LCOR: variants seen among roughly 807,000 people sequenced by gnomAD.
LCOR encodes the protein ligand dependent nuclear receptor corepressor.
A neutral mutation model predicts 64.4 loss-of-function variants in LCOR; 14 were observed. That is an observed-to-expected ratio of 0.22 (90% CI 0.14 to 0.34). The LOEUF (loss-of-function observed/expected upper bound fraction) is 0.34. Ranked by LOEUF, LCOR falls within the 10% of genes least tolerant of loss-of-function variation. The probability of loss-of-function intolerance (pLI) is 1.00; values close to 1 mark genes in which losing one functional copy is unlikely to be tolerated. For synonymous variants in LCOR, 643 were observed against 642.5 expected, an observed-to-expected ratio of 1.00 and a Z score of -0.01; for missense variants, 1,686 against 1,765.3, an observed-to-expected ratio of 0.96 and a Z score of 0.80.
At chr10:96,968,426 T>C (rs1300673376) in intron 7 of LCOR, among the ~76,000 whole-genome samples, 3 of 152,248 alleles carry the variant, frequency 2.0e-5, no homozygotes, top group African/African-American at 7.2e-5. Flanking sequence ...TAATTGAGTT[T>C]GGCCCTTCAG....
Position 96,994,478 on chromosome 10 carries a change from A to G in LCOR, c.*9344A>G, listed in dbSNP as rs903902493. 14 of 152,210 alleles carry G rather than the reference A, an allele frequency of 9.2e-5. No individual in the cohort carries two copies. The highest frequency in any genetic ancestry group is 3.4e-4 in the African/African-American group (14 of 41,438). 9.4% of individuals were successfully genotyped at this position (152,210 alleles called of 1,614,324 possible). The stretch of plus-strand genomic sequence containing the variant: ...CACCCAGATAACCATTAATAGAAGT[A>G]ATGTAGTTTTTTAGGCTTTTGGAAT... On this transcript the variant is annotated 3_prime_UTR_variant, in exon 8 of 8. Coordinates refer to ENST00000421806, the MANE Select transcript of LCOR (RefSeq NM_001346516.2).
chr10:96,966,747 C>G (rs998428078), intron 7 of LCOR, among the ~76,000 whole-genome samples: 1 of 151,882 alleles, frequency 6.6e-6, no homozygotes, highest in Non-Finnish European at 1.5e-5. Context: ...GTTGAACTTC[C>G]GTTGTTTGAC....
At chr10:96,897,981 C>T (rs1846570289) in intron 2 of LCOR, among the ~76,000 whole-genome samples, 1 of 151,530 alleles carries the variant, frequency 6.6e-6, no homozygotes, top group Non-Finnish European at 1.5e-5. Flanking sequence ...GTAAAATCTC[C>T]AACCTCTCAG....
rs1189371961 is a variant in LCOR, at chr10:96,984,994, A to G, written c.4534A>G (p.Asn1512Asp). 6.2e-7 allele frequency: 1 copy of G among 1,614,190 alleles called. No homozygotes were observed. Among genetic ancestry groups the G allele is most frequent in the Admixed American group, 1.7e-5 (1 of 60,024 alleles). The change falls in exon 8 of 8, where the codon AAT becomes GAT. Residue 1512 changes from asparagine to aspartate, a missense_variant. Physicochemically the swap from Asn to Asp is conservative, Grantham distance 23. This residue lies in a region of LCOR where 1,293 missense variants were observed against 1,410.4 expected (regional missense o/e 0.92). Transcript: ENST00000421806. ...CTCTTCAAGGCCTCAGAAAGCCACG[A>G]ATAGGAAGCAGAGTAGTGGAAAGAC... is the stretch of plus-strand genomic sequence containing the variant. The part of the protein sequence containing the change: ...ESSSRPQKAT[N>D]RKQSSGKTRA...
chr10:96,914,585 T>C (rs1028702146), intron 4 of LCOR, among the ~76,000 whole-genome samples: 2 of 152,196 alleles, frequency 1.3e-5, no homozygotes, highest in South Asian at 2.1e-4. Flanking sequence ...CGATAAACAA[T>C]TGTAGTATTT....
chr10:96,969,008 C>T (rs1040982786), intron 7 of LCOR, among the ~76,000 whole-genome samples: 4 of 152,032 alleles, frequency 2.6e-5, no homozygotes, highest in South Asian at 2.1e-4. Context: ...TGAACCTTCC[C>T]GAGTTTCAGT....
In LCOR at chr10:96,982,206, T is replaced by G. The variant is rs1172893320; in HGVS notation, c.1746T>G (p.Val582=). 6.2e-7 allele frequency: 1 copy of G among 1,614,094 alleles called. No homozygotes were observed. The highest frequency in any genetic ancestry group is 8.5e-7 in the Non-Finnish European group (1 of 1,180,008). ...ITSHEEGGGD[V]SPRKEPQEPE... ...CTCACGAGGAAGGAGGTGGAGACGT[T>G]TCACCTCGAAAAGAACCTCAAGAGC... Residue 582 remains valine, a synonymous_variant, in exon 8 of 8, where the codon GTT becomes GTG. Coordinates refer to ENST00000421806, the MANE Select transcript of LCOR (RefSeq NM_001346516.2).
Position 96,949,037 on chromosome 10 carries a change from C to T in LCOR, c.-21C>T, listed in dbSNP as rs755077223. The stretch of plus-strand genomic sequence containing the variant: ...TCCCTGGGTCTCCGACCCCAATATT[C>T]CCCTAGTGGCCCGTGAGATCATGCA... On this transcript the variant is annotated 5_prime_UTR_variant, in exon 6 of 8. Transcript: ENST00000421806. 1 of 1,613,238 alleles carries T rather than the reference C, an allele frequency of 6.2e-7. No individual in the cohort carries two copies. Among genetic ancestry groups the T allele is most frequent in the Admixed American group, 1.7e-5 (1 of 59,978 alleles).
chr10:96,855,426 T>TG (rs1219120653), intron 2 of LCOR, among the ~76,000 whole-genome samples: 13 of 151,682 alleles, frequency 8.6e-5, no homozygotes, highest in Non-Finnish European at 1.5e-5. Flanking sequence ...TTTTTTTGTT[T>TG]TTTGTTTGTT....
intron 2 of LCOR, among the ~76,000 whole-genome samples, chr10:96,892,016 C>T (rs1052050041): frequency 1.3e-5 from 2 of 152,130 alleles, no homozygotes; most frequent in African/African-American, 2.4e-5. Context: ...TGTGGTCTAA[C>T]GTGTTGCCCT....
chr10:96,970,060 G>A (rs967203496), intron 7 of LCOR, among the ~76,000 whole-genome samples: 1 of 148,360 alleles, frequency 6.7e-6, no homozygotes, highest in Admixed American at 6.8e-5. Context: ...CAAAATGCTG[G>A]GATTACAGGT....
intron 4 of LCOR, among the ~76,000 whole-genome samples, chr10:96,919,242 C>T (rs1020993107): frequency 2.0e-5 from 3 of 152,146 alleles, no homozygotes; most frequent in African/African-American, 7.2e-5. Context: ...GGTTAGAGTT[C>T]CATAGAGCCT....
Position 96,981,423 on chromosome 10 carries a change from T to C in LCOR, c.963T>C (p.Ile321=). Residue 321 remains isoleucine (I), a synonymous_variant, in exon 8 of 8, where the codon ATT becomes ATC. Coordinates refer to ENST00000421806, the MANE Select transcript of LCOR (RefSeq NM_001346516.2). ...MQSSALVESL[I]TVKMAAENSE... is the part of the protein sequence containing the mutation. ...GTTCAGCTTTAGTAGAAAGTCTAAT[T>C]ACAGTAAAAATGGCAGCTGAGAATA... 4 of 1,614,180 alleles carry C rather than the reference T, an allele frequency of 2.5e-6. No individual in the cohort carries two copies. The South Asian group carries it at 4.4e-5, about 18-fold the overall frequency.
intron 2 of LCOR, among the ~76,000 whole-genome samples, chr10:96,862,596 T>C (rs762404418): frequency 1.3e-5 from 2 of 152,116 alleles, no homozygotes; most frequent in Non-Finnish European, 2.9e-5. Context: ...CTATTGGCCA[T>C]TGGTGATCAA....
chr10:96,973,364 C>T (rs1018736120), intron 7 of LCOR, among the ~76,000 whole-genome samples: 6 of 152,180 alleles, frequency 3.9e-5, no homozygotes, highest in Non-Finnish European at 8.8e-5. Flanking sequence ...ATTATGTCTA[C>T]ACAACTTTGT....
chr10:96,897,673 A>G (rs1036661481), intron 2 of LCOR, among the ~76,000 whole-genome samples: 4 of 152,044 alleles, frequency 2.6e-5, no homozygotes, highest in African/African-American at 4.8e-5. Context: ...TATTAATACT[A>G]TTGTTTTTCA....
chr10:96,956,189 A>G (rs1320591854), intron 7 of LCOR: 14 of 1,193,490 alleles, frequency 1.2e-5, no homozygotes, highest in African/African-American at 1.6e-5. Flanking sequence ...GAACAGATAC[A>G]TGGAAGTGGA....
Position 96,985,052 on chromosome 10 carries a change from G to C in LCOR, c.4592G>C (p.Ser1531Thr). The change falls in exon 8 of 8, where the codon AGC becomes ACC. Residue 1531 changes from serine to threonine, a missense_variant. By Grantham distance (58) the Ser-to-Thr change is moderately conservative. This residue lies in a region of LCOR where 1,293 missense variants were observed against 1,410.4 expected (regional missense o/e 0.92). Coordinates refer to ENST00000421806, the MANE Select transcript of LCOR (RefSeq NM_001346516.2). Reference protein sequence around the residue: ...RARPSTKTPESSAAQRKRKLK... With the variant: ...RARPSTKTPETSAAQRKRKLK... The stretch of plus-strand genomic sequence containing the variant: ...AGACCCTCAACGAAAACCCCAGAGA[G>C]CAGTGCAGCTCAGAGAAAGCGAAAG... The C allele has an allele frequency of 6.2e-7, 1 of 1,614,202 alleles. No homozygotes were observed. Among genetic ancestry groups the C allele is most frequent in the Non-Finnish European group, 8.5e-7 (1 of 1,180,028 alleles).
At chr10:96,965,985 G>A (rs1183986308) in intron 7 of LCOR, among the ~76,000 whole-genome samples, 1 of 151,826 alleles carries the variant, frequency 6.6e-6, no homozygotes, top group Non-Finnish European at 1.5e-5. Flanking sequence ...TCTTCAAATT[G>A]ATATTCAGCT....
Sources: allele counts gnomAD v4.1 joint callset (sites outside exome capture counted in the v4.1 genomes callset), GRCh38; gene constraint gnomAD v4.1.1; regional missense constraint gnomAD v4.1.1; transcripts MANE v1.5; gene names NCBI Gene and HGNC (gene_info 2026-07-23, HGNC 2026-07-21).